GRIN2A: variants seen among roughly 807,000 people sequenced by gnomAD.
The protein encoded by GRIN2A is glutamate ionotropic receptor NMDA type subunit 2A.
In GRIN2A, 22 loss-of-function variants were observed where a neutral mutation model predicts 113.4. That is an observed-to-expected ratio of 0.19 (90% CI 0.14 to 0.28). The LOEUF (loss-of-function observed/expected upper bound fraction) is 0.28, where lower values mean the gene tolerates loss of function less well. Ranked by LOEUF, GRIN2A falls within the 10% of genes least tolerant of loss-of-function variation. The pLI, the probability that GRIN2A is intolerant of heterozygous loss-of-function variation, is 1.00. For missense variants in GRIN2A, 1,502 were observed against 1,887.0 expected, an observed-to-expected ratio of 0.80 and a Z score of 3.78; for synonymous variants, 827 against 738.4, an observed-to-expected ratio of 1.12 and a Z score of -1.94.
intron 3 of GRIN2A, among the ~76,000 whole-genome samples, chr16:9,922,434 C>T (rs1185791562): frequency 6.6e-6 from 1 of 152,172 alleles, no homozygotes; most frequent in African/African-American, 2.4e-5. Flanking sequence ...ATTTCCACTA[C>T]CTCATAAAAA....
intron 2 of GRIN2A, among the ~76,000 whole-genome samples, chr16:10,167,175 T>A (rs758550773): frequency 5.9e-5 from 9 of 152,128 alleles, no homozygotes; most frequent in Non-Finnish European, 1.3e-4. Flanking sequence ...ATGAAAGGGT[T>A]TCAGAGGGTC....
At chr16:9,798,033 C>G (rs1446295162) in intron 11 of GRIN2A, among the ~76,000 whole-genome samples, 1 of 152,222 alleles carries the variant, frequency 6.6e-6, no homozygotes, top group Admixed American at 6.5e-5. Context: ...CTATTTAACT[C>G]TTTCCTAAAT....
chr16:10,007,041 C>A (rs1447491743), intron 2 of GRIN2A, among the ~76,000 whole-genome samples: 1 of 152,160 alleles, frequency 6.6e-6, no homozygotes, highest in Non-Finnish European at 1.5e-5. Flanking sequence ...TGTTGATGAA[C>A]ACTTAGGTTG....
intron 4 of GRIN2A, among the ~76,000 whole-genome samples, chr16:9,856,695 C>A (rs2042975220): frequency 6.6e-6 from 1 of 150,846 alleles, no homozygotes; most frequent in Non-Finnish European, 1.5e-5. Context: ...ATTCCGAAAG[C>A]TTTAATAATT....
At chr16:9,804,489 C>T (rs185651635) in intron 10 of GRIN2A, among the ~76,000 whole-genome samples, 62 of 152,152 alleles carry the variant, frequency 4.1e-4, no homozygotes, top group Non-Finnish European at 6.9e-4. Flanking sequence ...ATTCTCAGTT[C>T]CTACCCAGGT....
At chr16:10,073,657 T>C (rs1239521354) in intron 2 of GRIN2A, among the ~76,000 whole-genome samples, 1 of 151,958 alleles carries the variant, frequency 6.6e-6, no homozygotes, top group Non-Finnish European at 1.5e-5. Flanking sequence ...TTTGTCAAAA[T>C]TAAAAACTTT....
intron 11 of GRIN2A, among the ~76,000 whole-genome samples, chr16:9,782,224 A>G (rs1288600998): frequency 6.6e-6 from 1 of 152,186 alleles, no homozygotes; most frequent in East Asian, 1.9e-4. Flanking sequence ...ATTGTTTCCT[A>G]AACCATACGG....
At chr16:10,164,449 T>C (rs1334543874) in intron 2 of GRIN2A, among the ~76,000 whole-genome samples, 1 of 152,204 alleles carries the variant, frequency 6.6e-6, no homozygotes, top group Non-Finnish European at 1.5e-5. Context: ...ATCCCTACCG[T>C]TCCCCACAAA....
At chr16:9,968,599 C>T (rs1366607185) in intron 2 of GRIN2A, among the ~76,000 whole-genome samples, 1 of 151,864 alleles carries the variant, frequency 6.6e-6, no homozygotes, top group Non-Finnish European at 1.5e-5. Flanking sequence ...AGGCATGAGC[C>T]ACCATACCTG....
chr16:9,807,956 C>CG (rs2042014981), intron 10 of GRIN2A, among the ~76,000 whole-genome samples: 1 of 152,156 alleles, frequency 6.6e-6, no homozygotes, highest in Non-Finnish European at 1.5e-5. Flanking sequence ...AAGCACTATG[C>CG]GATGCTGTAT....
chr16:9,825,288 A>G (rs886873702), intron 9 of GRIN2A, among the ~76,000 whole-genome samples: 8 of 152,232 alleles, frequency 5.3e-5, no homozygotes, highest in Admixed American at 1.3e-4. Flanking sequence ...CAAATCTTAT[A>G]GTGTTTGAAA....
At chr16:9,786,799 CAT>C (rs1431651095) in intron 11 of GRIN2A, among the ~76,000 whole-genome samples, 1 of 152,184 alleles carries the variant, frequency 6.6e-6, no homozygotes, top group Non-Finnish European at 1.5e-5. Context: ...TCAGTTTCCT[CAT>C]ATGTAAATAG....
intron 4 of GRIN2A, among the ~76,000 whole-genome samples, chr16:9,852,271 A>G (rs950098852): frequency 6.6e-6 from 1 of 152,216 alleles, no homozygotes; most frequent in African/African-American, 2.4e-5. Flanking sequence ...CGCTATGTAC[A>G]GTGTTTCTGT....
intron 2 of GRIN2A, among the ~76,000 whole-genome samples, chr16:9,971,473 ATG>A (rs913508325): frequency 3.3e-5 from 5 of 152,242 alleles, no homozygotes; most frequent in Admixed American, 2.6e-4. Context: ...CTGTTATTAC[ATG>A]CAGCAGAAAA....
At chr16:9,978,759 G>T (rs531772987) in intron 2 of GRIN2A, among the ~76,000 whole-genome samples, 2 of 152,210 alleles carry the variant, frequency 1.3e-5, no homozygotes, top group African/African-American at 2.4e-5. Context: ...ATGAAAGCAA[G>T]TTCCTCTGTA....
At chr16:9,993,817 G>T (rs2046172487) in intron 2 of GRIN2A, among the ~76,000 whole-genome samples, 1 of 152,134 alleles carries the variant, frequency 6.6e-6, no homozygotes, top group Non-Finnish European at 1.5e-5. Flanking sequence ...AGTCAACAGA[G>T]GCAAGAGATC....
chr16:9,840,841 A>C (rs1461430006), intron 6 of GRIN2A, 41 bp from the exon 7 acceptor site: 21 of 1,525,624 alleles, frequency 1.4e-5, no homozygotes, highest in Admixed American at 1.7e-5. Context: ...AAAGAGAGAG[A>C]GAGAACAACA....
intron 11 of GRIN2A, among the ~76,000 whole-genome samples, chr16:9,784,696 C>T (rs1372728132): frequency 2.0e-5 from 3 of 152,110 alleles, no homozygotes; most frequent in Middle Eastern, 3.2e-3. Context: ...ACTCATCTGA[C>T]AAAGGGCTAA....
chr16:10,016,831 A>G (rs1453220432), intron 2 of GRIN2A, among the ~76,000 whole-genome samples: 1 of 152,208 alleles, frequency 6.6e-6, no homozygotes, highest in African/African-American at 2.4e-5. Flanking sequence ...AGTGCAGACC[A>G]GAGCCACCCC....
Sources: allele counts gnomAD v4.1 joint callset (sites outside exome capture counted in the v4.1 genomes callset), GRCh38; gene constraint gnomAD v4.1.1; transcripts MANE v1.5; gene names NCBI Gene and HGNC (gene_info 2026-07-23, HGNC 2026-07-21).